The following CSNK1D variants were observed in gnomAD, a reference collection of about 807,000 sequenced individuals.
CSNK1D encodes casein kinase 1 delta, also known as casein kinase I isoform delta.
A neutral mutation model predicts 46.6 loss-of-function variants in CSNK1D; 16 were observed. The ratio of observed to expected loss-of-function variants is 0.34; its 90% CI spans 0.23 to 0.52. CSNK1D has a LOEUF of 0.52. Ranked by LOEUF, CSNK1D falls within the 20% of genes least tolerant of loss-of-function variation. The pLI, the probability that CSNK1D is intolerant of heterozygous loss-of-function variation, is 0.95. For missense variants in CSNK1D, 398 were observed against 578.4 expected (o/e 0.69, Z 3.20); for synonymous variants, 276 against 228.2 (o/e 1.21, Z -1.89).
In CSNK1D at chr17:82,251,542, A is replaced by G. The variant is rs1181313454; in HGVS notation, c.737-15T>C. On this transcript the variant is annotated splice_polypyrimidine_tract_variant and intron_variant, in intron 5 of 8. Coordinates refer to ENST00000314028, the MANE Select transcript of CSNK1D (RefSeq NM_001893.6). This position sits in a 1 kb window ranked among gnomAD's most constrained non-coding sequence, Gnocchi z 4.5. The stretch of plus-strand genomic sequence containing the variant: ...GGCAAATTCGGCTACAAAACAAGAA[A>G]CTCAAAGCTAACTCATGAAACCCAA... The G allele has an allele frequency of 1.2e-6, 2 of 1,613,550 alleles. No homozygotes were observed. The highest frequency in any genetic ancestry group is 1.7e-6 in the Non-Finnish European group (2 of 1,179,840).
At position 82,249,952 on chromosome 17, in the gene CSNK1D, A is replaced by C. The variant is rs1020773094; in HGVS notation, c.886-350T>G. 1.7e-5 allele frequency: 22 copies of C among 1,260,704 alleles called. 1 individual carries two copies. The African/African-American group carries it at 2.8e-4, about 16-fold the overall frequency. 78.1% of individuals were successfully genotyped at this position (1,260,704 alleles called of 1,614,324 possible). ...CGTGCAGAAAGAGGAGAGGGACAGGAACCATCGGAGGCCAAAGACAGGCCC... is the reference window on the plus strand; with the variant it reads ...CGTGCAGAAAGAGGAGAGGGACAGGCACCATCGGAGGCCAAAGACAGGCCC... On this transcript the variant is annotated intron_variant, in intron 6 of 8. Coordinates refer to ENST00000314028, the MANE Select transcript of CSNK1D (RefSeq NM_001893.6). The surrounding 1 kb of genome is among the most constrained non-coding windows in gnomAD (Gnocchi z 6.7).
Position 82,273,224 on chromosome 17 carries a change from A to T in CSNK1D, c.76+82T>A. On this transcript the variant is annotated intron_variant, in intron 1 of 8. Coordinates refer to ENST00000314028, the MANE Select transcript of CSNK1D (RefSeq NM_001893.6). The surrounding 1 kb of genome is among the most constrained non-coding windows in gnomAD (Gnocchi z 5.1). ...GCGCGGAGACCCCGCGGGGGCCACCACTTCCTTCCGCGATCGCGCTTGGTC... is the reference window on the plus strand; with the variant it reads ...GCGCGGAGACCCCGCGGGGGCCACCTCTTCCTTCCGCGATCGCGCTTGGTC... The T allele has an allele frequency of 7.2e-7, 1 of 1,392,482 alleles. No homozygotes were observed. The highest frequency in any genetic ancestry group is 9.8e-7 in the Non-Finnish European group (1 of 1,016,566). The allele number at this position is 1,392,482 out of a possible 1,614,324, so 86.3% of individuals were successfully genotyped here.
intron 3 of CSNK1D, chr17:82,253,478 C>G: frequency 1.9e-6 from 1 of 536,578 alleles, no homozygotes; most frequent in Non-Finnish European, 3.5e-6. Flanking sequence ...TCAGCTCCCA[C>G]AAAACAGAGA....
At chr17:82,258,629 T>C (rs148184735) in intron 2 of CSNK1D, among the ~76,000 whole-genome samples, 1 of 152,354 alleles carries the variant, frequency 6.6e-6, no homozygotes, top group African/African-American at 2.4e-5. Context: ...ATACTCATTT[T>C]GGAGTTTTCA....
Position 82,242,886 on chromosome 17 carries a change from G to C in CSNK1D, c.*1895C>G. On this transcript the variant is annotated 3_prime_UTR_variant, in exon 9 of 9. Transcript: ENST00000314028. The stretch of plus-strand genomic sequence containing the variant: ...CCGGCGAGGCTCGGGCTGGAACCCG[G>C]GCGCAGAGCTGCCTCGCACAAACGT... The C allele has an allele frequency of 1.0e-6, 1 of 985,432 alleles. No individual in the cohort carries two copies. The highest frequency in any genetic ancestry group is 1.7e-5 in the African/African-American group (1 of 57,352). 61.0% of individuals were successfully genotyped at this position (985,432 alleles called of 1,614,324 possible).
rs1053806428 is a variant in CSNK1D at position 82,255,416 on chromosome 17, A to G, written c.336+13T>C. The G allele has an allele frequency of 2.2e-5, 35 of 1,613,940 alleles. No homozygotes were observed. The highest frequency in any genetic ancestry group is 1.4e-5 in the Non-Finnish European group (16 of 1,179,956). On this transcript the variant is annotated intron_variant, in intron 3 of 8. Coordinates refer to ENST00000314028, the MANE Select transcript of CSNK1D (RefSeq NM_001893.6). The surrounding 1 kb of genome is among the most constrained non-coding windows in gnomAD (Gnocchi z 5.9). ...CAGCAAGTGTGTGCCAACTGTCAGGAAACAGTCCTTACCATTTGGTCAGCA... is the reference window on the plus strand; with the variant it reads ...CAGCAAGTGTGTGCCAACTGTCAGGGAACAGTCCTTACCATTTGGTCAGCA...
intron 8 of CSNK1D, 135 bp from the exon 9 acceptor site, chr17:82,244,966 C>A (rs1055670940): frequency 9.0e-7 from 1 of 1,108,604 alleles, no homozygotes; most frequent in Non-Finnish European, 1.3e-6. Flanking sequence ...CCTGCGTCCC[C>A]CGCCACGCAC....
At chr17:82,272,789 C>A (rs749397122) in intron 1 of CSNK1D, among the ~76,000 whole-genome samples, 3 of 152,218 alleles carry the variant, frequency 2.0e-5, no homozygotes, top group African/African-American at 7.2e-5. Context: ...AGCCCCGGAC[C>A]GGGCTGCGGA....
In CSNK1D at chr17:82,262,368, G is replaced by A. The variant is rs80306021; in HGVS notation, c.187+3318C>T. Among the ~76,000 whole-genome samples, 585 of 152,284 alleles carry A rather than the reference G, an allele frequency of 3.8e-3. 2 individuals carry two copies. Among genetic ancestry groups the A allele is most frequent in the South Asian group, 0.028 (135 of 4,822 alleles). ...CCAGTTTCCTCATTTGCAACATAAG[G>A]CTGAAGAGCTCAGTACCCACTGCCC... On this transcript the variant is annotated intron_variant, in intron 2 of 8. Coordinates refer to ENST00000314028, the MANE Select transcript of CSNK1D (RefSeq NM_001893.6).
intron 2 of CSNK1D, chr17:82,261,233 A>G (rs1351778968): frequency 6.5e-6 from 1 of 154,356 alleles, no homozygotes; most frequent in African/African-American, 2.4e-5. Flanking sequence ...GAACAAGTGA[A>G]GCCAATGGGT....
At chr17:82,253,836 G>A (rs1238168697) in intron 3 of CSNK1D, 12 of 263,072 alleles carry the variant, frequency 4.6e-5, no homozygotes, top group East Asian at 4.1e-4. Flanking sequence ...GAGCTGAGCC[G>A]CCGGAGCCTC....
intron 2 of CSNK1D, among the ~76,000 whole-genome samples, chr17:82,263,416 T>C (rs1254059718): frequency 6.6e-6 from 1 of 152,218 alleles, no homozygotes; most frequent in Non-Finnish European, 1.5e-5. Flanking sequence ...CTTTACTCTC[T>C]TAAGCCAGCG....
At chr17:82,261,943 C>T (rs2051352003) in intron 2 of CSNK1D, among the ~76,000 whole-genome samples, 1 of 152,330 alleles carries the variant, frequency 6.6e-6, no homozygotes, top group African/African-American at 2.4e-5. Flanking sequence ...CGAAAAGCAG[C>T]TGTGAACTAA....
Position 82,263,789 on chromosome 17 carries a change from C to A in CSNK1D, c.187+1897G>T, listed in dbSNP as rs753577310. On this transcript the variant is annotated intron_variant, in intron 2 of 8. Transcript: ENST00000314028. ...GGCTCCCGCAGGCCAAGGCCACACC[C>A]CGCACCACCCTGCTCTATTGGCTCG... is the stretch of plus-strand genomic sequence containing the variant. Among the ~76,000 whole-genome samples the A allele has an allele frequency of 7.1e-4, 108 of 152,368 alleles. 2 individuals are homozygous for A. Among genetic ancestry groups the A allele is most frequent in the Non-Finnish European group, 1.1e-3 (74 of 68,040 alleles).
At position 82,249,239 on chromosome 17, in the gene CSNK1D, TCA is replaced by T; in HGVS notation, c.1057+190_1057+191del. On this transcript the variant is annotated intron_variant, in intron 7 of 8. Coordinates refer to ENST00000314028, the MANE Select transcript of CSNK1D (RefSeq NM_001893.6). The surrounding 1 kb of genome is among the most constrained non-coding windows in gnomAD (Gnocchi z 6.7). ...GGAGGAACGTGAGATGCGGGAGGAA[TCA>T]CGCACACCAGCAGGTGCCGGCATTT... 1.3e-6 allele frequency: 1 copy of T among 761,286 alleles called. No homozygotes were observed. Among genetic ancestry groups the T allele is most frequent in the South Asian group, 1.8e-5 (1 of 54,814 alleles). 47.2% of individuals were successfully genotyped at this position (761,286 alleles called of 1,614,324 possible).
chr17:82,260,515 CTGAGTGATG>C, intron 2 of CSNK1D, among the ~76,000 whole-genome samples: 1 of 141,268 alleles, frequency 7.1e-6, no homozygotes. Flanking sequence ...TGATGGTGTA[CTGAGTGATG>C]TGACTGATGG....
Position 82,273,545 on chromosome 17 carries a change from G to T in CSNK1D, c.-164C>A. On this transcript the variant is annotated 5_prime_UTR_variant, in exon 1 of 9. Transcript: ENST00000314028. This position sits in a 1 kb window ranked among gnomAD's most constrained non-coding sequence, Gnocchi z 5.1. ...TTCCTGTCGCCCCGCCGCTCCCAGC[G>T]CCTCAATACGGGGCGGATGGGACAG... 1 of 849,040 alleles carries T rather than the reference G, an allele frequency of 1.2e-6. No individual in the cohort carries two copies. Among genetic ancestry groups the T allele is most frequent in the Non-Finnish European group, 1.8e-6 (1 of 546,996 alleles). The allele number at this position is 849,040 out of a possible 1,614,324, so 52.6% of individuals were successfully genotyped here. A position where few individuals can be genotyped will look rare whatever the true frequency, so the allele number is the denominator to read the frequency against.
chr17:82,264,438 G>A (rs2051415594), intron 2 of CSNK1D, among the ~76,000 whole-genome samples: 1 of 152,244 alleles, frequency 6.6e-6, no homozygotes, highest in African/African-American at 2.4e-5. Context: ...ACTCGCAAGA[G>A]CTGGACTCTG....
rs770044849 is a variant in CSNK1D, at chr17:82,252,934, G to A, written c.565+82C>T. 3.1e-5 allele frequency: 41 copies of A among 1,312,028 alleles called. No homozygotes were observed. The highest frequency in any genetic ancestry group is 3.9e-5 in the Non-Finnish European group (36 of 918,842). 81.3% of individuals were successfully genotyped at this position (1,312,028 alleles called of 1,614,324 possible). On this transcript the variant is annotated intron_variant, in intron 4 of 8. Coordinates refer to ENST00000314028, the MANE Select transcript of CSNK1D (RefSeq NM_001893.6). The surrounding 1 kb of genome is among the most constrained non-coding windows in gnomAD (Gnocchi z 4.6). Reference sequence around the variant, plus strand: ...GACACGCTTGCAGCCCCAGCTCCCCGAGAGGCTGGCCTCTCCCTGGGCTGA... The same window carrying A: ...GACACGCTTGCAGCCCCAGCTCCCCAAGAGGCTGGCCTCTCCCTGGGCTGA...
Sources: gnomAD v4.1 joint callset for allele counts (sites outside exome capture counted in the v4.1 genomes callset) on GRCh38, gnomAD v4.1.1 for gene constraint, Gnocchi (gnomAD v3.1) non-coding constraint, MANE v1.5 for transcripts, NCBI Gene and HGNC (gene_info 2026-07-23, HGNC 2026-07-21) for gene names.